Variants in MYO1D observed in about 807,000 individuals in gnomAD.
MYO1D encodes myosin ID, also known as unconventional myosin-Id.
In MYO1D, 83 loss-of-function variants were observed where a neutral mutation model predicts 122.0. The observed-to-expected ratio is 0.68, with a 90% confidence interval of 0.57 to 0.82. The LOEUF (loss-of-function observed/expected upper bound fraction) is 0.82. MYO1D is among the 40% of genes least tolerant of loss of function. The probability of loss-of-function intolerance (pLI) is 0.00; values close to 1 mark genes in which losing one functional copy is unlikely to be tolerated. For missense variants in MYO1D, 1,157 were observed against 1,269.5 expected (o/e 0.91, Z 1.35); for synonymous variants, 464 against 446.9 (o/e 1.04, Z -0.48).
intron 21 of MYO1D, among the ~76,000 whole-genome samples, chr17:32,523,739 G>A (rs1461405403): frequency 1.3e-5 from 2 of 149,092 alleles, no homozygotes; most frequent in Non-Finnish European, 3.0e-5. Flanking sequence ...TGCAGTGAAC[G>A]GTGATTGTAC....
At chr17:32,842,646 A>G (rs2090894292) in intron 1 of MYO1D, among the ~76,000 whole-genome samples, 1 of 152,024 alleles carries the variant, frequency 6.6e-6, no homozygotes, top group Non-Finnish European at 1.5e-5. Flanking sequence ...TGTTGCTGGC[A>G]CTCGAACTTT....
chr17:32,572,035 C>T (rs761678143), intron 21 of MYO1D, among the ~76,000 whole-genome samples: 4 of 152,116 alleles, frequency 2.6e-5, no homozygotes, highest in Non-Finnish European at 5.9e-5. Context: ...TTACAACAGA[C>T]CTAGGTTCAT....
intron 20 of MYO1D, among the ~76,000 whole-genome samples, chr17:32,621,105 T>C (rs1023668105): frequency 4.6e-5 from 7 of 152,148 alleles, no homozygotes; most frequent in Non-Finnish European, 1.0e-4. Context: ...CTTGGGGACG[T>C]TGAATAAGCT....
At chr17:32,733,699 A>G (rs1990824) in intron 14 of MYO1D, among the ~76,000 whole-genome samples, 66,003 of 152,034 alleles carry the variant, frequency 0.43, 14,918 homozygotes, top group East Asian at 0.73. Context: ...ACACACTTCA[A>G]CAAATCCCCA....
chr17:32,826,124 G>T (rs1294773433), intron 1 of MYO1D, among the ~76,000 whole-genome samples: 1 of 150,840 alleles, frequency 6.6e-6, no homozygotes, highest in Non-Finnish European at 1.5e-5. Flanking sequence ...TACACTTCCT[G>T]AAGAATTTTG....
At chr17:32,863,420 T>G (rs770263356) in intron 1 of MYO1D, among the ~76,000 whole-genome samples, 15 of 152,178 alleles carry the variant, frequency 9.9e-5, no homozygotes, top group Non-Finnish European at 1.5e-4. Flanking sequence ...CATTACAACA[T>G]ATTAACTCCT....
At chr17:32,667,453 G>T (rs1366004078) in intron 16 of MYO1D, among the ~76,000 whole-genome samples, 3 of 152,158 alleles carry the variant, frequency 2.0e-5, no homozygotes, top group Non-Finnish European at 4.4e-5. Context: ...CTTAATTCCT[G>T]ACACAAAATT....
chr17:32,572,468 C>T (rs1489947608), intron 21 of MYO1D, among the ~76,000 whole-genome samples: 1 of 152,204 alleles, frequency 6.6e-6, no homozygotes, highest in African/African-American at 2.4e-5. Context: ...ATTTCACCAT[C>T]TCCATGGCTA....
At chr17:32,828,448 G>A (rs1287528270) in intron 1 of MYO1D, among the ~76,000 whole-genome samples, 6 of 150,782 alleles carry the variant, frequency 4.0e-5, no homozygotes, top group Non-Finnish European at 7.4e-5. Flanking sequence ...CCAGGGAGGC[G>A]GAGCTTGCAG....
At chr17:32,623,364 A>G (rs901932139) in intron 20 of MYO1D, among the ~76,000 whole-genome samples, 1 of 151,980 alleles carries the variant, frequency 6.6e-6, no homozygotes, top group Non-Finnish European at 1.5e-5. Flanking sequence ...TAACAAAGAA[A>G]CAAACTCATT....
chr17:32,688,902 G>T (rs568757200), intron 16 of MYO1D, among the ~76,000 whole-genome samples: 1 of 150,916 alleles, frequency 6.6e-6, no homozygotes, highest in Non-Finnish European at 1.5e-5. Flanking sequence ...CAGTGCATAT[G>T]GTCTCTTTGA....
At chr17:32,853,268 T>C (rs2091003744) in intron 1 of MYO1D, among the ~76,000 whole-genome samples, 1 of 152,232 alleles carries the variant, frequency 6.6e-6, no homozygotes, top group Admixed American at 6.5e-5. Context: ...ACTTCCAGCT[T>C]CAGTCATGTG....
intron 16 of MYO1D, among the ~76,000 whole-genome samples, chr17:32,679,175 G>A (rs1217460836): frequency 5.3e-5 from 8 of 151,896 alleles, no homozygotes; most frequent in Non-Finnish European, 8.8e-5. Flanking sequence ...TGTCAGATGA[G>A]TAGGTTGCGA....
chr17:32,780,080 C>T (rs1001152608), intron 2 of MYO1D, among the ~76,000 whole-genome samples: 5 of 152,048 alleles, frequency 3.3e-5, no homozygotes, highest in Non-Finnish European at 1.5e-5. Flanking sequence ...TACCCTATCT[C>T]GTGCCTATCT....
At chr17:32,647,712 G>A (rs891360740) in intron 19 of MYO1D, among the ~76,000 whole-genome samples, 1 of 147,034 alleles carries the variant, frequency 6.8e-6, no homozygotes, top group Non-Finnish European at 1.5e-5. Context: ...TTTTGCATGG[G>A]TGTGTGAATC....
At chr17:32,783,204 G>A (rs1307759561) in intron 1 of MYO1D, among the ~76,000 whole-genome samples, 3 of 151,794 alleles carry the variant, frequency 2.0e-5, no homozygotes, top group South Asian at 2.1e-4. Flanking sequence ...CTCATGAGCC[G>A]GGAACTCTGC....
At chr17:32,536,814 T>A (rs954130771) in intron 21 of MYO1D, among the ~76,000 whole-genome samples, 2 of 152,246 alleles carry the variant, frequency 1.3e-5, no homozygotes, top group African/African-American at 4.8e-5. Context: ...TACTGATTCC[T>A]TTTAAGCTTT....
At position 32,605,173 on chromosome 17, in the gene MYO1D, G is replaced by A; in HGVS notation, c.2778C>T (p.Asp926=). 6.2e-7 allele frequency: 1 copy of A among 1,609,704 alleles called. No individual in the cohort carries two copies. The highest frequency in any genetic ancestry group is 8.5e-7 in the Non-Finnish European group (1 of 1,176,620). ...LVVFHTKDNK[D]LIVCLFSKQP... is the part of the protein sequence containing the mutation. ...GTTTGCTGAAGAGGCAGACAATGAG[G>A]TCTTTGTTGTCTTTCGTATGGAACA... Residue 926 remains aspartate (D), a synonymous_variant, in exon 21 of 22, where the codon GAC becomes GAT. Coordinates refer to ENST00000318217, the MANE Select transcript of MYO1D (RefSeq NM_015194.3).
At chr17:32,601,574 C>T (rs988182023) in intron 21 of MYO1D, among the ~76,000 whole-genome samples, 2 of 152,136 alleles carry the variant, frequency 1.3e-5, no homozygotes, top group Non-Finnish European at 2.9e-5. Flanking sequence ...ATCAAAATTG[C>T]TGTGGCAATT....
Sources: gnomAD v4.1 joint callset for allele counts (sites outside exome capture counted in the v4.1 genomes callset) on GRCh38, gnomAD v4.1.1 for gene constraint, MANE v1.5 for transcripts, NCBI Gene and HGNC (gene_info 2026-07-23, HGNC 2026-07-21) for gene names.